The following WARS2 variants were observed in gnomAD, a reference collection of about 807,000 sequenced individuals.
WARS2 encodes the protein tryptophan--tRNA ligase, mitochondrial.
A neutral mutation model predicts 36.5 loss-of-function variants in WARS2; 28 were observed. The ratio of observed to expected loss-of-function variants is 0.77; its 90% CI spans 0.57 to 1.05. The LOEUF (loss-of-function observed/expected upper bound fraction) is 1.05, where lower values mean the gene tolerates loss of function less well. Among genes scored for constraint, WARS2 ranks in the 50% least tolerant of loss-of-function variants. WARS2 has a pLI of 0.00. For synonymous variants in WARS2, 174 were observed against 178.4 expected, an observed-to-expected ratio of 0.98 and a Z score of 0.20; for missense variants, 435 against 456.8, an observed-to-expected ratio of 0.95 and a Z score of 0.44.
At chr1:119,057,220 A>C (rs1424666680) in intron 2 of WARS2, among the ~76,000 whole-genome samples, 1 of 151,880 alleles carries the variant, frequency 6.6e-6, no homozygotes, top group African/African-American at 2.4e-5. Flanking sequence ...ATCTCGGCTG[A>C]CTGAAACCTC....
chr1:119,130,211 T>A (rs115168809), intron 1 of WARS2, among the ~76,000 whole-genome samples: 1 of 152,104 alleles, frequency 6.6e-6, no homozygotes, highest in African/African-American at 2.4e-5. Context: ...GAAGAAAGCA[T>A]ACTCTTGATT....
rs1180338811 is a variant in WARS2, at chr1:119,032,938, C to T, written c.1056G>A (p.Glu352=). ...ATAGAAAACCCACCAATTTCTTCAC[C>T]TCCTGGCACACAGTGTATGCTAATT... is the stretch of plus-strand genomic sequence containing the variant. The part of the protein sequence containing the change: ...AKELAYTVCQ[E]VKKLVGFL Residue 352 remains glutamate, a synonymous_variant, in exon 6 of 6, where the codon GAG becomes GAA. Transcript: ENST00000235521. The T allele has an allele frequency of 1.9e-6, 3 of 1,613,130 alleles. No individual in the cohort carries two copies. The highest frequency in any genetic ancestry group is 3.3e-5 in the Admixed American group (2 of 59,982).
chr1:119,088,823 A>C (rs1382197385), intron 1 of WARS2, among the ~76,000 whole-genome samples: 1 of 152,198 alleles, frequency 6.6e-6, no homozygotes, highest in African/African-American at 2.4e-5. Flanking sequence ...GGAGTGTTCA[A>C]CATCAGTAAT....
intron 1 of WARS2, among the ~76,000 whole-genome samples, chr1:119,102,071 G>C (rs1449959450): frequency 2.0e-5 from 3 of 149,870 alleles, no homozygotes; most frequent in African/African-American, 7.3e-5. Context: ...GGTGGGGGTT[G>C]GGGGGGTGGG....
intron 1 of WARS2, among the ~76,000 whole-genome samples, chr1:119,136,347 A>T (rs1280311608): frequency 6.6e-6 from 1 of 152,206 alleles, no homozygotes; most frequent in East Asian, 1.9e-4. Flanking sequence ...AGTTACTATC[A>T]GTAGTTTTCA....
At position 119,076,338 on chromosome 1, in the gene WARS2, T is replaced by C; in HGVS notation, c.348+12A>G. The C allele has an allele frequency of 1.9e-6, 3 of 1,613,962 alleles. No individual in the cohort carries two copies. The highest frequency in any genetic ancestry group is 2.5e-6 in the Non-Finnish European group (3 of 1,179,892). On this transcript the variant is annotated intron_variant, in intron 2 of 5. Transcript: ENST00000235521. ...CATAAGAGTTTTCTCAGTTCTAATC[T>C]GAGAAGCTGACCTGAGATTGTTGGA...
chr1:119,117,599 C>A (rs587719985), intron 1 of WARS2, among the ~76,000 whole-genome samples: 1 of 152,214 alleles, frequency 6.6e-6, no homozygotes, highest in Admixed American at 6.5e-5. Flanking sequence ...AGTCTGTTCA[C>A]GTGACAACTT....
At chr1:119,044,846 TG>T (rs1648659347) in intron 3 of WARS2, among the ~76,000 whole-genome samples, 1 of 152,198 alleles carries the variant, frequency 6.6e-6, no homozygotes, top group African/African-American at 2.4e-5. Flanking sequence ...ATATGAATTC[TG>T]AGGGAACACA....
At chr1:119,110,804 T>C (rs1654575463) in intron 1 of WARS2, among the ~76,000 whole-genome samples, 1 of 152,154 alleles carries the variant, frequency 6.6e-6, no homozygotes, top group South Asian at 2.1e-4. Context: ...ATAGTTGTCC[T>C]ATAGTTCTTG....
At chr1:119,045,897 A>T (rs1648767908) in intron 2 of WARS2, among the ~76,000 whole-genome samples, 1 of 152,282 alleles carries the variant, frequency 6.6e-6, no homozygotes, top group South Asian at 2.1e-4. Context: ...CTACTCCACA[A>T]TACCCCACCA....
chr1:119,112,191 C>T (rs1477611092), intron 1 of WARS2, among the ~76,000 whole-genome samples: 2 of 152,000 alleles, frequency 1.3e-5, no homozygotes, highest in African/African-American at 4.8e-5. Context: ...CAAAGGGCTG[C>T]AATTATAGGC....
At chr1:119,049,479 T>C (rs1318398393) in intron 2 of WARS2, among the ~76,000 whole-genome samples, 1 of 152,220 alleles carries the variant, frequency 6.6e-6, no homozygotes, top group Non-Finnish European at 1.5e-5. Context: ...CTCACTGCTT[T>C]AAGTAAAATA....
intron 2 of WARS2, among the ~76,000 whole-genome samples, chr1:119,068,343 T>C (rs1651036282): frequency 6.6e-6 from 1 of 152,224 alleles, no homozygotes; most frequent in Non-Finnish European, 1.5e-5. Flanking sequence ...CTTTTATTTA[T>C]GTATAGTAAG....
chr1:119,127,255 C>T (rs919846041), intron 1 of WARS2: 16 of 764,042 alleles, frequency 2.1e-5, no homozygotes, highest in East Asian at 2.8e-5. Context: ...CCCTTTTTGC[C>T]GCCTTTCATA....
At chr1:119,107,167 T>C (rs1389854511) in intron 1 of WARS2, among the ~76,000 whole-genome samples, 1 of 152,138 alleles carries the variant, frequency 6.6e-6, no homozygotes, top group Non-Finnish European at 1.5e-5. Flanking sequence ...TTTCTTATTA[T>C]TGAGTTATAA....
chr1:119,095,967 T>C (rs987041921), intron 1 of WARS2, among the ~76,000 whole-genome samples: 3 of 152,206 alleles, frequency 2.0e-5, no homozygotes, highest in Non-Finnish European at 4.4e-5. Flanking sequence ...TACCATCACA[T>C]TGAATCTTCC....
intron 1 of WARS2, among the ~76,000 whole-genome samples, chr1:119,128,544 A>T (rs1255805162): frequency 1.3e-5 from 2 of 151,960 alleles, no homozygotes; most frequent in African/African-American, 4.8e-5. Flanking sequence ...AGAGAAGTTT[A>T]AAAAAGCTTG....
intron 1 of WARS2, among the ~76,000 whole-genome samples, chr1:119,138,275 AAAG>A (rs1656653985): frequency 1.3e-5 from 2 of 152,312 alleles, no homozygotes; most frequent in Admixed American, 6.5e-5. Flanking sequence ...TTCAAGAGAA[AAAG>A]AAGATACATA....
chr1:119,068,783 A>G (rs1368036160), intron 2 of WARS2, among the ~76,000 whole-genome samples: 1 of 152,064 alleles, frequency 6.6e-6, no homozygotes, highest in African/African-American at 2.4e-5. Context: ...AAATACACAC[A>G]TAGGCATGAC....
Sources: allele counts gnomAD v4.1 joint callset (sites outside exome capture counted in the v4.1 genomes callset), GRCh38; gene constraint gnomAD v4.1.1; transcripts MANE v1.5; gene names NCBI Gene and HGNC (gene_info 2026-07-23, HGNC 2026-07-21).